The following NPFFR1 variants were observed in gnomAD, a reference collection of about 807,000 sequenced individuals.
The protein encoded by NPFFR1 is neuropeptide FF receptor 1.
NPFFR1 carries 17 observed loss-of-function variants against 12.7 expected under a neutral mutation model. That is an observed-to-expected ratio of 1.34 (90% CI 0.92 to 2.01). NPFFR1 has a LOEUF of 2.01. Among genes scored for constraint, NPFFR1 ranks in the 30% most tolerant of loss-of-function variants. NPFFR1 has a pLI of 0.00. For missense variants in NPFFR1, 604 were observed against 606.5 expected, an observed-to-expected ratio of 1.00 and a Z score of 0.04; for synonymous variants, 296 against 264.5, an observed-to-expected ratio of 1.12 and a Z score of -1.16.
chr10:70,259,183 G>C (rs1840608139), intron 3 of NPFFR1, among the ~76,000 whole-genome samples: 2 of 151,834 alleles, frequency 1.3e-5, no homozygotes, highest in South Asian at 4.1e-4. Flanking sequence ...CTACTCCGGG[G>C]ACTGAGGCAC....
In NPFFR1 at chr10:70,251,044, A is replaced by G. The variant is rs1840506052; in HGVS notation, c.*3913T>C. The G allele has an allele frequency of 6.6e-6, 1 of 152,216 alleles. No homozygotes were observed. Among genetic ancestry groups the G allele is most frequent in the Non-Finnish European group, 1.5e-5 (1 of 68,038 alleles). The allele number at this position is 152,216 out of a possible 1,614,324, so 9.4% of individuals were successfully genotyped here. On this transcript the variant is annotated 3_prime_UTR_variant, in exon 4 of 4. Coordinates refer to ENST00000277942, the MANE Select transcript of NPFFR1 (RefSeq NM_022146.5). ...TAGAGCTTTTGTAGAGAGAGAGAAA[A>G]ACAACAATAAAATGCCATGATCATA...
At chr10:70,282,562 T>G (rs911921891) in intron 1 of NPFFR1, among the ~76,000 whole-genome samples, 3 of 152,192 alleles carry the variant, frequency 2.0e-5, no homozygotes, top group African/African-American at 7.2e-5. Context: ...TTAACAGCAG[T>G]GTTTGCAATT....
intron 1 of NPFFR1, among the ~76,000 whole-genome samples, chr10:70,267,543 G>A (rs907286274): frequency 1.3e-5 from 2 of 152,178 alleles, no homozygotes; most frequent in Non-Finnish European, 2.9e-5. Flanking sequence ...AGCTGGCCCT[G>A]CTCTGTGTGT....
At chr10:70,274,990 C>T (rs1840788009) in intron 1 of NPFFR1, among the ~76,000 whole-genome samples, 2 of 152,186 alleles carry the variant, frequency 1.3e-5, no homozygotes, top group Non-Finnish European at 2.9e-5. Context: ...CCTACTGTTC[C>T]TCTTGCAGGC....
intron 3 of NPFFR1, among the ~76,000 whole-genome samples, chr10:70,257,948 A>G (rs755382544): frequency 1.3e-5 from 2 of 152,124 alleles, no homozygotes; most frequent in Admixed American, 6.5e-5. Context: ...CATAGATTCT[A>G]TTGCTCACAG....
intron 1 of NPFFR1, among the ~76,000 whole-genome samples, chr10:70,271,816 G>A (rs1251825019): frequency 2.0e-5 from 3 of 152,008 alleles, no homozygotes; most frequent in Middle Eastern, 3.4e-3. Flanking sequence ...AAAGAAGTGC[G>A]AATGAGAAAA....
chr10:70,264,663 A>G (rs1206846259), intron 2 of NPFFR1, among the ~76,000 whole-genome samples: 1 of 152,154 alleles, frequency 6.6e-6, no homozygotes, highest in Non-Finnish European at 1.5e-5. Flanking sequence ...TTGGAACCTT[A>G]GCATGTCCTC....
rs1840500808 is a variant in NPFFR1, at chr10:70,250,603, T to A, written c.*4354A>T. ...CTACTGATACATGCTACAGCATGAA[T>A]GAATCTTGCAAACATCATTTTAAGT... On this transcript the variant is annotated 3_prime_UTR_variant, in exon 4 of 4. Coordinates refer to ENST00000277942, the MANE Select transcript of NPFFR1 (RefSeq NM_022146.5). 1 of 152,232 alleles carries A rather than the reference T, an allele frequency of 6.6e-6. No homozygotes were observed. Among genetic ancestry groups the A allele is most frequent in the South Asian group, 2.1e-4 (1 of 4,830 alleles). 9.4% of individuals were successfully genotyped at this position (152,232 alleles called of 1,614,324 possible).
intron 1 of NPFFR1, among the ~76,000 whole-genome samples, chr10:70,273,587 C>T (rs1038451821): frequency 4.6e-5 from 7 of 152,108 alleles, no homozygotes; most frequent in African/African-American, 7.2e-5. Context: ...CCTTCTTTCT[C>T]GAGTACTGAT....
At chr10:70,265,111 G>A (rs12218035) in intron 2 of NPFFR1, among the ~76,000 whole-genome samples, 9,860 of 152,294 alleles carry the variant, frequency 0.065, 319 homozygotes, top group East Asian at 0.11. Context: ...AGCTGGTACT[G>A]TGGAGGGGAG....
intron 1 of NPFFR1, among the ~76,000 whole-genome samples, chr10:70,268,783 C>T (rs965445963): frequency 4.6e-5 from 7 of 152,208 alleles, no homozygotes; most frequent in African/African-American, 1.4e-4. Context: ...ACGTCTGTCA[C>T]ATTTTATTGG....
At chr10:70,265,315 G>A (rs1434786673) in intron 2 of NPFFR1, among the ~76,000 whole-genome samples, 4 of 152,172 alleles carry the variant, frequency 2.6e-5, no homozygotes, top group Non-Finnish European at 5.9e-5. Context: ...CCATATCTCT[G>A]AAAACCAGTC....
intron 1 of NPFFR1, among the ~76,000 whole-genome samples, chr10:70,277,675 C>G (rs1446374322): frequency 6.6e-6 from 1 of 152,200 alleles, no homozygotes; most frequent in Non-Finnish European, 1.5e-5. Context: ...TTGGGCCTCT[C>G]TCAGCCACAG....
intron 2 of NPFFR1, among the ~76,000 whole-genome samples, chr10:70,264,297 C>G (rs1423953827): frequency 1.5e-5 from 2 of 137,760 alleles, no homozygotes; most frequent in Non-Finnish European, 3.0e-5. Flanking sequence ...TCACTTCAAC[C>G]TGGGAGGCGG....
intron 1 of NPFFR1, among the ~76,000 whole-genome samples, chr10:70,266,838 C>A (rs1840696974): frequency 6.6e-6 from 1 of 152,178 alleles, no homozygotes; most frequent in South Asian, 2.1e-4. Context: ...TCCCTTCCTG[C>A]CTGGCCCAAT....
intron 1 of NPFFR1, among the ~76,000 whole-genome samples, chr10:70,278,277 T>C (rs1268908980): frequency 6.6e-6 from 1 of 151,844 alleles, no homozygotes; most frequent in Non-Finnish European, 1.5e-5. Flanking sequence ...TCATAGTCAG[T>C]GTGTTTTGGG....
intron 1 of NPFFR1, among the ~76,000 whole-genome samples, chr10:70,272,990 A>G (rs1213096011): frequency 2.6e-5 from 4 of 152,250 alleles, no homozygotes; most frequent in Admixed American, 6.5e-5. Flanking sequence ...GTTTGTCCAC[A>G]AGGGGTGGTG....
chr10:70,283,234 T>G (rs1398664920), intron 1 of NPFFR1, among the ~76,000 whole-genome samples: 6 of 150,914 alleles, frequency 4.0e-5, no homozygotes, highest in Non-Finnish European at 7.4e-5. Context: ...TCTCTCTCTC[T>G]CTCTCACACA....
chr10:70,272,251 G>GAAAGAAAGAGAGAAAGAAAGAAAGA (rs11447906), intron 1 of NPFFR1, among the ~76,000 whole-genome samples: 12 of 45,544 alleles, frequency 2.6e-4, no homozygotes, highest in Admixed American at 1.1e-3. Context: ...AAAGAAGAAA[G>GAAAGAAAGAGAGAAAGAAAGAAAGA]AAGAAAGAAA....
Sources: allele counts gnomAD v4.1 joint callset (sites outside exome capture counted in the v4.1 genomes callset), GRCh38; gene constraint gnomAD v4.1.1; transcripts MANE v1.5; gene names NCBI Gene and HGNC (gene_info 2026-07-23, HGNC 2026-07-21).